PDZD2: variants seen among roughly 807,000 people sequenced by gnomAD.
PDZD2 encodes the protein PDZ domain containing 2.
PDZD2 carries 90 observed loss-of-function variants against 220.7 expected under a neutral mutation model. That is an observed-to-expected ratio of 0.41 (90% CI 0.34 to 0.49). The LOEUF (loss-of-function observed/expected upper bound fraction) is 0.49, where lower values mean the gene tolerates loss of function less well. Ranked by LOEUF, PDZD2 falls within the 20% of genes least tolerant of loss-of-function variation. The probability of loss-of-function intolerance (pLI) is 0.28; values close to 1 mark genes in which losing one functional copy is unlikely to be tolerated. For synonymous variants in PDZD2, 1,375 were observed against 1,450.5 expected (o/e 0.95, Z 1.18); for missense variants, 3,174 against 3,608.5 (o/e 0.88, Z 3.08).
chr5:31,950,324 G>T (rs1354983335), intron 2 of PDZD2, among the ~76,000 whole-genome samples: 2 of 152,168 alleles, frequency 1.3e-5, no homozygotes, highest in African/African-American at 4.8e-5. Context: ...CTGAGAAGGT[G>T]AGTTGTAGAT....
intron 2 of PDZD2, among the ~76,000 whole-genome samples, chr5:31,919,522 T>G (rs1238218169): frequency 6.6e-6 from 1 of 152,012 alleles, no homozygotes; most frequent in Non-Finnish European, 1.5e-5. Flanking sequence ...AATTTTTGTA[T>G]TTTTGGTAGA....
At chr5:31,969,524 A>AAAAAAAAAAAAAAAAAAAAAAG (rs1749089479) in intron 2 of PDZD2, among the ~76,000 whole-genome samples, 1 of 147,062 alleles carries the variant, frequency 6.8e-6, no homozygotes, top group Admixed American at 6.9e-5. Flanking sequence ...AAAAAAAAAA[A>AAAAAAAAAAAAAAAAAAAAAAG]AAAAAAAAAA....
intron 1 of PDZD2, among the ~76,000 whole-genome samples, chr5:31,643,870 C>A (rs1745036339): frequency 6.6e-6 from 1 of 151,754 alleles, no homozygotes; most frequent in South Asian, 2.1e-4. Flanking sequence ...GTCACCCAGG[C>A]TGCAGTGGCA....
At chr5:31,961,467 C>T (rs896201193) in intron 2 of PDZD2, among the ~76,000 whole-genome samples, 8 of 151,780 alleles carry the variant, frequency 5.3e-5, no homozygotes, top group African/African-American at 1.9e-4. Context: ...CTCAGGAGGT[C>T]GAGGCTGCAG....
intron 1 of PDZD2, among the ~76,000 whole-genome samples, chr5:31,668,501 C>G (rs2150116493): frequency 6.6e-6 from 1 of 152,316 alleles, no homozygotes; most frequent in East Asian, 1.9e-4. Flanking sequence ...AGCTCTGTTG[C>G]TAATAAATCC....
chr5:31,815,946 G>A (rs887842230), intron 2 of PDZD2, among the ~76,000 whole-genome samples: 23 of 152,046 alleles, frequency 1.5e-4, no homozygotes, highest in Admixed American at 1.3e-3. Context: ...ATAGAGGTTT[G>A]ATGTTTATTT....
intron 5 of PDZD2, among the ~76,000 whole-genome samples, chr5:32,008,301 C>CT (rs948009260): frequency 6.4e-5 from 5 of 78,654 alleles, no homozygotes; most frequent in African/African-American, 1.4e-4. Flanking sequence ...TTTTTTTTTT[C>CT]TTTTTTTTGG....
At chr5:31,876,239 T>A (rs2150329930) in intron 2 of PDZD2, among the ~76,000 whole-genome samples, 1 of 152,222 alleles carries the variant, frequency 6.6e-6, no homozygotes, top group African/African-American at 2.4e-5. Context: ...TTGCATTCTC[T>A]ATTTGGTTAT....
chr5:31,932,788 G>A (rs1243115304), intron 2 of PDZD2, among the ~76,000 whole-genome samples: 2 of 151,982 alleles, frequency 1.3e-5, no homozygotes, highest in African/African-American at 4.8e-5. Flanking sequence ...CCAGCCCCTG[G>A]CAACCACCAT....
Position 31,768,640 on chromosome 5 carries a change from CAAA to C in PDZD2, c.-360-30233_-360-30231del, listed in dbSNP as rs35950291. On this transcript the variant is annotated intron_variant, in intron 1 of 24. Transcript: ENST00000438447. Reference sequence around the variant, plus strand: ...TGGGCAACAGAGCGAGACTCTGTCTCAAAAAAAAAAAAAAAAAACTGAGACACA... The same window carrying C: ...TGGGCAACAGAGCGAGACTCTGTCTCAAAAAAAAAAAAAAACTGAGACACA... 8.6e-3 allele frequency among the ~76,000 whole-genome samples: 1,079 copies of C among 126,028 alleles called. 8 individuals carry two copies. Among genetic ancestry groups the C allele is most frequent in the African/African-American group, 0.03 (1,018 of 34,240 alleles). The allele number at this position is 126,028 out of a possible 152,430, so 82.7% of individuals were successfully genotyped here.
chr5:31,644,355 C>T (rs57399108), intron 1 of PDZD2, among the ~76,000 whole-genome samples: 6,522 of 152,124 alleles, frequency 0.043, 456 homozygotes, highest in African/African-American at 0.15. Flanking sequence ...TGGGTTCTAG[C>T]GGGGAGTGTT....
intron 1 of PDZD2, among the ~76,000 whole-genome samples, chr5:31,650,310 A>G (rs894814472): frequency 1.3e-5 from 2 of 152,138 alleles, no homozygotes; most frequent in Non-Finnish European, 2.9e-5. Flanking sequence ...AAGTGACTTG[A>G]CTGAGGTTGC....
chr5:31,869,930 A>AGCCT (rs1738627441), intron 2 of PDZD2, among the ~76,000 whole-genome samples: 1 of 152,128 alleles, frequency 6.6e-6, no homozygotes, highest in Non-Finnish European at 1.5e-5. Flanking sequence ...GCTGCTCAGG[A>AGCCT]GCCTCTCCGG....
At chr5:31,734,352 C>T (rs996703881) in intron 1 of PDZD2, among the ~76,000 whole-genome samples, 1 of 152,140 alleles carries the variant, frequency 6.6e-6, no homozygotes, top group African/African-American at 2.4e-5. Flanking sequence ...TGGAGTCTCG[C>T]TCTGTCTCCC....
At chr5:31,931,927 A>G (rs1745325376) in intron 2 of PDZD2, among the ~76,000 whole-genome samples, 1 of 152,070 alleles carries the variant, frequency 6.6e-6, no homozygotes, top group Admixed American at 6.5e-5. Context: ...TGTGATTCTG[A>G]ACCCTTTCCA....
chr5:32,004,277 G>A (rs1254021651), intron 5 of PDZD2, among the ~76,000 whole-genome samples: 2 of 152,210 alleles, frequency 1.3e-5, no homozygotes, highest in African/African-American at 4.8e-5. Context: ...TTTTTATTCA[G>A]TGAATGGTAT....
chr5:31,913,410 T>G (rs933994786), intron 2 of PDZD2, among the ~76,000 whole-genome samples: 2 of 152,058 alleles, frequency 1.3e-5, no homozygotes, highest in Non-Finnish European at 2.9e-5. Context: ...ATGGTCTGCA[T>G]TACTGAGGAC....
chr5:31,937,404 G>A (rs571832314), intron 2 of PDZD2, among the ~76,000 whole-genome samples: 5 of 152,300 alleles, frequency 3.3e-5, no homozygotes, highest in Non-Finnish European at 5.9e-5. Context: ...AACTGTTTGC[G>A]TTGAGGTTTG....
intron 2 of PDZD2, among the ~76,000 whole-genome samples, chr5:31,870,657 G>A (rs915837478): frequency 2.0e-5 from 3 of 152,266 alleles, no homozygotes; most frequent in Admixed American, 6.5e-5. Context: ...GGAGGGCGAG[G>A]TGGGTGGATC....
Sources: gnomAD v4.1 joint callset for allele counts (sites outside exome capture counted in the v4.1 genomes callset) on GRCh38, gnomAD v4.1.1 for gene constraint, MANE v1.5 for transcripts, NCBI Gene and HGNC (gene_info 2026-07-23, HGNC 2026-07-21) for gene names.